Variants in ADAMTS20 observed in about 807,000 individuals in gnomAD.
ADAMTS20 encodes the protein A disintegrin and metalloproteinase with thrombospondin motifs 20.
A neutral mutation model predicts 260.1 loss-of-function variants in ADAMTS20; 225 were observed. That is an observed-to-expected ratio of 0.87 (90% CI 0.78 to 0.97). The LOEUF (loss-of-function observed/expected upper bound fraction) is 0.97. Ranked by LOEUF, ADAMTS20 falls within the 50% of genes least tolerant of loss-of-function variation. The pLI is 0.00. For missense variants in ADAMTS20, 2,400 were observed against 2,337.7 expected, an observed-to-expected ratio of 1.03 and a Z score of -0.55; for synonymous variants, 802 against 769.5, an observed-to-expected ratio of 1.04 and a Z score of -0.70.
chr12:43,376,323 T>C lies in ADAMTS20; in HGVS notation c.5133A>G (p.Ser1711=), dbSNP rs1372531657. ...QKKCYANDCK[S]FTTCKEIQVK... is the part of the protein sequence containing the mutation. Reference sequence around the variant, plus strand: ...CTTGAATTTCTTTGCAGGTGGTAAATGATTTACCTTCAAAGACAAATTAAC... The same window carrying C: ...CTTGAATTTCTTTGCAGGTGGTAAACGATTTACCTTCAAAGACAAATTAAC... The change falls in exon 34 of 39, where the codon TCA becomes TCG. Residue 1711 remains serine (S), a synonymous_variant. Transcript: ENST00000389420. 1 of 1,550,442 alleles carries C rather than the reference T, an allele frequency of 6.4e-7. No individual in the cohort carries two copies. Among genetic ancestry groups the C allele is most frequent in the Non-Finnish European group, 8.7e-7 (1 of 1,146,146 alleles).
intron 37 of ADAMTS20, among the ~76,000 whole-genome samples, chr12:43,365,233 T>A (rs1939957986): frequency 6.6e-6 from 1 of 151,968 alleles, no homozygotes; most frequent in Non-Finnish European, 1.5e-5. Context: ...TGCTAGCACA[T>A]CTACTTTACA....
chr12:43,402,608 T>G (rs888487854), intron 28 of ADAMTS20, among the ~76,000 whole-genome samples: 1 of 152,038 alleles, frequency 6.6e-6, no homozygotes, highest in Non-Finnish European at 1.5e-5. Context: ...AAATGATACC[T>G]TCCTTTCAAA....
chr12:43,377,801 C>CGTGT (rs57655714), intron 31 of ADAMTS20, among the ~76,000 whole-genome samples: 48 of 150,432 alleles, frequency 3.2e-4, no homozygotes, highest in Middle Eastern at 3.4e-3. Flanking sequence ...CCTGTGTGTG[C>CGTGT]GTGTGTGTGT....
intron 18 of ADAMTS20, among the ~76,000 whole-genome samples, chr12:43,435,307 T>C (rs950998342): frequency 6.6e-6 from 1 of 152,124 alleles, no homozygotes; most frequent in Admixed American, 6.5e-5. Flanking sequence ...CTTTCTGTAC[T>C]TTCTACTCAA....
chr12:43,531,913 G>A (rs922440985), intron 3 of ADAMTS20, 123 bp downstream of exon 3: 8 of 699,478 alleles, frequency 1.1e-5, no homozygotes, highest in Non-Finnish European at 1.6e-5. Flanking sequence ...TTTTATTTCT[G>A]AATTTAAAAA....
At chr12:43,360,351 A>G (rs1939841133) in intron 37 of ADAMTS20, among the ~76,000 whole-genome samples, 1 of 152,178 alleles carries the variant, frequency 6.6e-6, no homozygotes, top group African/African-American at 2.4e-5. Flanking sequence ...CAGGAGGCTG[A>G]GGCAGGAGAA....
At chr12:43,521,429 A>T (rs181827387) in intron 3 of ADAMTS20, among the ~76,000 whole-genome samples, 3 of 152,338 alleles carry the variant, frequency 2.0e-5, no homozygotes, top group South Asian at 2.1e-4. Context: ...TCACAAAAAA[A>T]ATATAAACGT....
chr12:43,369,968 T>C (rs1940071802), intron 36 of ADAMTS20, among the ~76,000 whole-genome samples: 2 of 152,146 alleles, frequency 1.3e-5, no homozygotes, highest in African/African-American at 4.8e-5. Context: ...GTATCAAAAA[T>C]AGAGCCATTG....
chr12:43,428,210 G>T, intron 26 of ADAMTS20, 31 bp downstream of exon 26: 1 of 1,603,804 alleles, frequency 6.2e-7, no homozygotes, highest in Non-Finnish European at 8.5e-7. Flanking sequence ...CAAAATTACA[G>T]AATTAATATA....
intron 31 of ADAMTS20, among the ~76,000 whole-genome samples, chr12:43,377,958 G>T (rs774329902): frequency 1.3e-5 from 2 of 152,148 alleles, no homozygotes; most frequent in African/African-American, 4.8e-5. Flanking sequence ...CTATGTATAA[G>T]TTAGCACACA....
intron 2 of ADAMTS20, among the ~76,000 whole-genome samples, chr12:43,549,685 C>T (rs1160526094): frequency 6.6e-6 from 1 of 151,928 alleles, no homozygotes; most frequent in African/African-American, 2.4e-5. Flanking sequence ...GTATAGGTGG[C>T]TATGTAAATA....
intron 38 of ADAMTS20, among the ~76,000 whole-genome samples, chr12:43,355,016 C>A (rs1939713912): frequency 6.6e-6 from 1 of 152,132 alleles, no homozygotes; most frequent in South Asian, 2.1e-4. Context: ...AAGACATTTC[C>A]AGAACATGAG....
At position 43,551,366 on chromosome 12, in the gene ADAMTS20, G is replaced by A; in HGVS notation, c.92-96C>T. The A allele has an allele frequency of 6.7e-7, 1 of 1,493,576 alleles. No individual in the cohort carries two copies. 92.5% of individuals were successfully genotyped at this position (1,493,576 alleles called of 1,614,324 possible). A position where few individuals can be genotyped will look rare whatever the true frequency, so the allele number is the denominator to read the frequency against. ...CAAACGTCCCCGCTAAAGGTCCCAGGTCCCAGTACAGCCAGGGGCAAGACA... is the reference window on the plus strand; with the variant it reads ...CAAACGTCCCCGCTAAAGGTCCCAGATCCCAGTACAGCCAGGGGCAAGACA... On this transcript the variant is annotated intron_variant, in intron 1 of 38. Coordinates refer to ENST00000389420, the MANE Select transcript of ADAMTS20 (RefSeq NM_025003.5). This position sits in a 1 kb window ranked among gnomAD's most constrained non-coding sequence, Gnocchi z 4.6.
At chr12:43,541,876 A>T (rs902875564) in intron 2 of ADAMTS20, among the ~76,000 whole-genome samples, 1 of 152,202 alleles carries the variant, frequency 6.6e-6, no homozygotes, top group Non-Finnish European at 1.5e-5. Context: ...AAATGAAACA[A>T]TAAAAGGGAA....
intron 29 of ADAMTS20, among the ~76,000 whole-genome samples, chr12:43,387,795 C>T (rs1429260963): frequency 6.6e-6 from 1 of 152,174 alleles, no homozygotes; most frequent in African/African-American, 2.4e-5. Flanking sequence ...TGGGCTCCAT[C>T]CTATTTGAAC....
At chr12:43,392,395 C>G (rs1940614270) in intron 29 of ADAMTS20, among the ~76,000 whole-genome samples, 1 of 151,826 alleles carries the variant, frequency 6.6e-6, no homozygotes, top group Non-Finnish European at 1.5e-5. Context: ...TTCAATAAAC[C>G]ACACTTAATT....
At chr12:43,427,199 T>C in intron 27 of ADAMTS20, 109 bp downstream of exon 27, 1 of 1,269,900 alleles carries the variant, frequency 7.9e-7, no homozygotes, top group Non-Finnish European at 1.0e-6. Context: ...AAAAATTCTT[T>C]TTCTACATAG....
chr12:43,472,831 A>G (rs61926767), intron 7 of ADAMTS20, among the ~76,000 whole-genome samples: 17,171 of 150,742 alleles, frequency 0.11, 1,095 homozygotes, highest in Admixed American at 0.21. Flanking sequence ...GAGCTCCTGA[A>G]GGAAGCGCTA....
chr12:43,532,181 T>G lies in ADAMTS20; in HGVS notation c.468A>C (p.Lys156Asn). 3.8e-6 allele frequency: 6 copies of G among 1,595,926 alleles called. No homozygotes were observed. The highest frequency in any genetic ancestry group is 5.1e-6 in the Non-Finnish European group (6 of 1,174,146). The change falls in exon 3 of 39, where the codon AAA becomes AAC. Residue 156 changes from lysine (K) to asparagine (N), a missense_variant. Transcript: ENST00000389420. ...SLCGGLTGTF[K>N]GQNGEYFLEP... is the part of the protein sequence containing the mutation. ...CTAAGAAATATTCACCGTTCTGTCC[T>G]TTAAATGTTCCCGTCTGAAAATAAA... is the stretch of plus-strand genomic sequence containing the variant.
Sources: gnomAD v4.1 joint callset for allele counts (sites outside exome capture counted in the v4.1 genomes callset) on GRCh38, gnomAD v4.1.1 for gene constraint, Gnocchi (gnomAD v3.1) non-coding constraint, MANE v1.5 for transcripts, NCBI Gene and HGNC (gene_info 2026-07-23, HGNC 2026-07-21) for gene names.